NPAT: variants seen among roughly 807,000 people sequenced by gnomAD.
NPAT encodes the protein nuclear protein, coactivator of histone transcription, also known as protein NPAT.
A neutral mutation model predicts 130.7 loss-of-function variants in NPAT; 52 were observed. The ratio of observed to expected loss-of-function variants is 0.40; its 90% CI spans 0.32 to 0.50. NPAT has a LOEUF of 0.50. NPAT is among the 20% of genes least tolerant of loss of function. The pLI is 0.68. For synonymous variants in NPAT, 580 were observed against 584.8 expected, an observed-to-expected ratio of 0.99 and a Z score of 0.12; for missense variants, 1,687 against 1,662.6, an observed-to-expected ratio of 1.01 and a Z score of -0.26.
In NPAT at chr11:108,173,387, G is replaced by T. The variant is rs781511341; in HGVS notation, c.1597C>A (p.Leu533Ile). The T allele has an allele frequency of 2.5e-6, 4 of 1,613,960 alleles. No individual in the cohort carries two copies. The highest frequency in any genetic ancestry group is 3.4e-6 in the Non-Finnish European group (4 of 1,179,878). ...GTTAATGAAGTATCTTGGGATAAAA[G>T]TTGAGAACTCTTCCCAGAGAGAATT... is the stretch of plus-strand genomic sequence containing the variant. The part of the protein sequence containing the change: ...NLILSGKSSQ[L>I]LSQDTSLTGK... The change falls in exon 13 of 18, where the codon CTT becomes ATT. Residue 533 changes from leucine to isoleucine, a missense_variant. Around this residue, in one of 3 missense-constraint regions of NPAT, gnomAD observed 1,379 missense variants for 1,346.6 expected, o/e 1.02. Transcript: ENST00000278612.
intron 16 of NPAT, 44 bp from the exon 17 acceptor site, chr11:108,162,058 A>G (rs1177884591): frequency 3.1e-6 from 5 of 1,609,636 alleles, no homozygotes; most frequent in Non-Finnish European, 4.3e-6. Flanking sequence ...GCATAAAGAA[A>G]TCCTTTATGT....
intron 1 of NPAT, among the ~76,000 whole-genome samples, chr11:108,211,171 G>A (rs1170280542): frequency 1.3e-5 from 2 of 151,776 alleles, no homozygotes; most frequent in South Asian, 2.1e-4. Flanking sequence ...AGCCGAGATC[G>A]CGCCACTGCA....
At chr11:108,170,741 T>TA (rs1429097654) in intron 13 of NPAT, among the ~76,000 whole-genome samples, 5 of 152,230 alleles carry the variant, frequency 3.3e-5, no homozygotes, top group Non-Finnish European at 7.3e-5. Context: ...CTTTATAACT[T>TA]ACAGATTTTA....
At chr11:108,212,449 CG>C (rs1230793821) in intron 1 of NPAT, among the ~76,000 whole-genome samples, 1 of 150,582 alleles carries the variant, frequency 6.6e-6, no homozygotes, top group East Asian at 2.0e-4. Flanking sequence ...TGCTTGAATC[CG>C]GGAGGTGGAG....
At chr11:108,208,185 TACAA>T (rs2078347507) in intron 1 of NPAT, among the ~76,000 whole-genome samples, 1 of 152,196 alleles carries the variant, frequency 6.6e-6, no homozygotes, top group Non-Finnish European at 1.5e-5. Flanking sequence ...CATGTTGGTA[TACAA>T]ACAGTTTTGG....
rs1171047761 is a variant in NPAT at position 108,173,374 on chromosome 11, T to C, written c.1610A>G (p.Asp537Gly). The C allele has an allele frequency of 2.0e-5, 32 of 1,613,720 alleles. No homozygotes were observed. Among genetic ancestry groups the C allele is most frequent in the Non-Finnish European group, 2.6e-5 (31 of 1,179,734 alleles). The change falls in exon 13 of 18, where the codon GAT becomes GGT. Residue 537 changes from aspartate (D) to glycine (G), a missense_variant. Physicochemically the swap from Asp to Gly is moderately conservative, Grantham distance 94 (BLOSUM62 -1). Transcript: ENST00000278612. ...SGKSSQLLSQ[D>G]TSLTGKPSKK... is the part of the protein sequence containing the mutation. ...AGATGGCTTTCCAGTTAATGAAGTATCTTGGGATAAAAGTTGAGAACTCTT... is the reference window on the plus strand; with the variant it reads ...AGATGGCTTTCCAGTTAATGAAGTACCTTGGGATAAAAGTTGAGAACTCTT...
intron 10 of NPAT, among the ~76,000 whole-genome samples, chr11:108,179,027 A>G (rs2078034842): frequency 6.6e-6 from 1 of 152,224 alleles, no homozygotes; most frequent in Non-Finnish European, 1.5e-5. Context: ...AAAGGCAAAC[A>G]TGTAGACCAA....
chr11:108,185,125 A>G, intron 10 of NPAT, 107 bp downstream of exon 10: 1 of 785,824 alleles, frequency 1.3e-6, no homozygotes, highest in Non-Finnish European at 2.2e-6. Context: ...TAGATGGCAA[A>G]TCATAACATC....
chr11:108,191,988 C>T (rs900829238), intron 4 of NPAT, 130 bp downstream of exon 4: 1 of 736,840 alleles, frequency 1.4e-6, no homozygotes, highest in African/African-American at 1.7e-5. Context: ...TCCACAGTAC[C>T]AGCAACCTCT....
At chr11:108,192,081 T>G (rs1275558460) in intron 4 of NPAT, 37 bp downstream of exon 4, 1 of 1,367,466 alleles carries the variant, frequency 7.3e-7, no homozygotes, top group Non-Finnish European at 1.0e-6. Flanking sequence ...TGTATTTGCA[T>G]TCCAAAATCA....
At chr11:108,173,890 T>C (rs1278517259) in intron 12 of NPAT, 39 bp from the exon 13 acceptor site, 6 of 1,572,804 alleles carry the variant, frequency 3.8e-6, no homozygotes, top group East Asian at 2.2e-5. Flanking sequence ...ATGGTAAATA[T>C]GTTCAGCTTC....
chr11:108,161,892 C>T lies in NPAT; in HGVS notation c.3194G>A (p.Cys1065Tyr), dbSNP rs1203033284. The change falls in exon 17 of 18, where the codon TGT (cysteine) becomes TAT (tyrosine). Residue 1065 changes from cysteine (C) to tyrosine (Y), a missense_variant. Cys to Tyr is a radical substitution (Grantham distance 194). This residue lies in a region of NPAT where 1,379 missense variants were observed against 1,346.6 expected (regional missense o/e 1.02). Coordinates refer to ENST00000278612, the MANE Select transcript of NPAT (RefSeq NM_002519.3). The part of the protein sequence containing the change: ...AAKPCHRRVL[C>Y]FDSTTAPVAN... Reference sequence around the variant, plus strand: ...CACAGGAGCAGTAGTGCTGTCGAAACAGAGTACACGTCTGTGGCATGGTTT... The same window carrying T: ...CACAGGAGCAGTAGTGCTGTCGAAATAGAGTACACGTCTGTGGCATGGTTT... 1 of 1,613,934 alleles carries T rather than the reference C, an allele frequency of 6.2e-7. No individual in the cohort carries two copies. The highest frequency in any genetic ancestry group is 1.1e-5 in the South Asian group (1 of 91,056).
At chr11:108,176,434 AATACAGCTTG>A in intron 11 of NPAT, 60 bp from the exon 12 acceptor site, 1 of 1,207,440 alleles carries the variant, frequency 8.3e-7, no homozygotes, top group Non-Finnish European at 1.2e-6. Context: ...AACATCAATG[AATACAGCTTG>A]TTGGTGATTA....
At chr11:108,178,019 C>A (rs180768092) in intron 10 of NPAT, among the ~76,000 whole-genome samples, 2 of 152,278 alleles carry the variant, frequency 1.3e-5, no homozygotes, top group Admixed American at 1.3e-4. Context: ...CTGTGCCTGG[C>A]CCATACTATA....
At chr11:108,210,554 G>C (rs1446025952) in intron 1 of NPAT, among the ~76,000 whole-genome samples, 2 of 152,138 alleles carry the variant, frequency 1.3e-5, no homozygotes, top group Non-Finnish European at 2.9e-5. Flanking sequence ...AAAACCTAAA[G>C]AACTGTGAGC....
chr11:108,203,570 A>C (rs2134883530), intron 1 of NPAT, among the ~76,000 whole-genome samples: 1 of 152,270 alleles, frequency 6.6e-6, no homozygotes, highest in African/African-American at 2.4e-5. Flanking sequence ...CCTCAAGCTA[A>C]ATGACAAAAG....
At position 108,189,246 on chromosome 11, in the gene NPAT, G is replaced by A. The variant is rs1263584801; in HGVS notation, c.416C>T (p.Thr139Ile). 1 of 1,614,188 alleles carries A rather than the reference G, an allele frequency of 6.2e-7. No individual in the cohort carries two copies. Among genetic ancestry groups the A allele is most frequent in the South Asian group, 1.1e-5 (1 of 91,088 alleles). The stretch of plus-strand genomic sequence containing the variant: ...AAACTGTCCTGAAAGGTAAGGTAAA[G>A]TGAGCAACTCTGCACTGGCTGGAGC... ...QTAPASAELL[T>I]LPYLSGQFTT... is the part of the protein sequence containing the mutation. The change falls in exon 6 of 18, where the codon ACT becomes ATT. Residue 139 changes from threonine (T) to isoleucine (I), a missense_variant. By Grantham distance (89) the Thr-to-Ile change is moderately conservative. Coordinates refer to ENST00000278612, the MANE Select transcript of NPAT (RefSeq NM_002519.3).
chr11:108,218,797 A>C (rs1446011864), intron 1 of NPAT, among the ~76,000 whole-genome samples: 2 of 152,242 alleles, frequency 1.3e-5, no homozygotes, highest in Admixed American at 6.5e-5. Context: ...GAACATGTCC[A>C]GTTTGGATGC....
At position 108,172,871 on chromosome 11, in the gene NPAT, ATTCTGGAGGAAGAGAGTGACTGTT is replaced by A. The variant is rs769519530; in HGVS notation, c.2089_2112del (p.Asn697_Glu704del). 1 of 1,614,088 alleles carries A rather than the reference ATTCTGGAGGAAGAGAGTGACTGTT, an allele frequency of 6.2e-7. No homozygotes were observed. The highest frequency in any genetic ancestry group is 8.5e-7 in the Non-Finnish European group (1 of 1,180,022). On this transcript the variant is annotated inframe_deletion, in exon 13 of 18. Transcript: ENST00000278612. ...GAATCTCCCACTGAAGAACACACAG[ATTCTGGAGGAAGAGAGTGACTGTT>A]TTCTACAGGAGTGCCTTCTGGAGGC...
Sources: gnomAD v4.1 joint callset for allele counts (sites outside exome capture counted in the v4.1 genomes callset) on GRCh38, gnomAD v4.1.1 for gene constraint, gnomAD v4.1.1 regional missense constraint, MANE v1.5 for transcripts, NCBI Gene and HGNC (gene_info 2026-07-23, HGNC 2026-07-21) for gene names.